The following JAZF1 variants were observed in gnomAD, a reference collection of about 807,000 sequenced individuals.
JAZF1 encodes the protein JAZF zinc finger 1.
Under a neutral mutation model 26.4 loss-of-function variants are expected in JAZF1, and 8 were observed. The ratio of observed to expected loss-of-function variants is 0.30; its 90% CI spans 0.18 to 0.55. The LOEUF (loss-of-function observed/expected upper bound fraction) is 0.55. Among genes scored for constraint, JAZF1 ranks in the 20% least tolerant of loss-of-function variants. JAZF1 has a pLI of 0.94. For synonymous variants in JAZF1, 126 were observed against 122.3 expected (o/e 1.03, Z -0.20); for missense variants, 199 against 322.0 (o/e 0.62, Z 2.92).
intron 1 of JAZF1, among the ~76,000 whole-genome samples, chr7:28,083,185 T>A (rs1244836122): frequency 6.6e-6 from 1 of 152,140 alleles, no homozygotes; most frequent in Non-Finnish European, 1.5e-5. Context: ...CCACATGCTC[T>A]CTTGGGGTTC....
intron 1 of JAZF1, among the ~76,000 whole-genome samples, chr7:28,149,305 G>T (rs1783072516): frequency 6.6e-6 from 1 of 152,222 alleles, no homozygotes; most frequent in East Asian, 1.9e-4. Context: ...ATGCCTATCA[G>T]ACTGGAAAAA....
rs1273232230 is a variant in JAZF1, at chr7:27,978,331, A to G, written c.188+13578T>C. Among the ~76,000 whole-genome samples, 2 of 152,240 alleles carry G rather than the reference A, an allele frequency of 1.3e-5. 1 individual carries two copies. On this transcript the variant is annotated intron_variant, in intron 2 of 4. Coordinates refer to ENST00000283928, the MANE Select transcript of JAZF1 (RefSeq NM_175061.4). The stretch of plus-strand genomic sequence containing the variant: ...TGTTCTACTTCTCAAAGAGAGGAGA[A>G]ATACATTGGAAATGTGGGAAAAACA...
chr7:27,838,022 T>TC (rs59102696), intron 4 of JAZF1, among the ~76,000 whole-genome samples: 1 of 151,754 alleles, frequency 6.6e-6, no homozygotes, highest in Non-Finnish European at 1.5e-5. Context: ...TTTTTTTTTT[T>TC]CTTTTTTCCT....
chr7:27,885,399 G>C (rs546850445), intron 3 of JAZF1, among the ~76,000 whole-genome samples: 169 of 152,254 alleles, frequency 1.1e-3, no homozygotes, highest in African/African-American at 3.9e-3. Flanking sequence ...TATAAAAATT[G>C]GTCAACTTGC....
At chr7:28,001,899 T>C (rs1406561085) in intron 1 of JAZF1, among the ~76,000 whole-genome samples, 1 of 152,186 alleles carries the variant, frequency 6.6e-6, no homozygotes, top group Admixed American at 6.5e-5. Context: ...GTTATAGATC[T>C]GAGTATTTCA....
chr7:28,014,998 C>T (rs1344572782), intron 1 of JAZF1, among the ~76,000 whole-genome samples: 1 of 151,620 alleles, frequency 6.6e-6, no homozygotes, highest in Non-Finnish European at 1.5e-5. Context: ...TCAGCTCCTG[C>T]CACTCCTCAG....
chr7:28,110,321 G>C, intron 1 of JAZF1, among the ~76,000 whole-genome samples: 1 of 151,716 alleles, frequency 6.6e-6, no homozygotes, highest in Non-Finnish European at 1.5e-5. Flanking sequence ...AGTTACTTGG[G>C]AGGCTGCGGG....
intron 2 of JAZF1, among the ~76,000 whole-genome samples, chr7:27,951,171 G>T (rs1212637923): frequency 6.6e-6 from 1 of 152,096 alleles, no homozygotes; most frequent in East Asian, 1.9e-4. Context: ...ATAAAAGGTT[G>T]TTATAATTAA....
chr7:27,947,478 G>A (rs1021144444), intron 2 of JAZF1, among the ~76,000 whole-genome samples: 5 of 152,234 alleles, frequency 3.3e-5, no homozygotes, highest in African/African-American at 4.8e-5. Context: ...TCTGTTTTTG[G>A]CATTTGTGGC....
At chr7:28,119,152 C>T (rs1784797536) in intron 1 of JAZF1, among the ~76,000 whole-genome samples, 1 of 152,158 alleles carries the variant, frequency 6.6e-6, no homozygotes, top group African/African-American at 2.4e-5. Context: ...CCCACTCCCA[C>T]CCTCAAGAAG....
intron 2 of JAZF1, among the ~76,000 whole-genome samples, chr7:27,901,036 T>G (rs1784154277): frequency 6.6e-6 from 1 of 151,794 alleles, no homozygotes; most frequent in South Asian, 2.1e-4. Flanking sequence ...TATTTTAGGG[T>G]TTTTCCTTCT....
At chr7:28,179,241 C>G (rs920083885) in intron 1 of JAZF1, among the ~76,000 whole-genome samples, 5 of 152,252 alleles carry the variant, frequency 3.3e-5, no homozygotes, top group African/African-American at 4.8e-5. Context: ...TCGCTGGCGT[C>G]GGTCACACCT....
chr7:28,093,826 G>A (rs1232446846), intron 1 of JAZF1, among the ~76,000 whole-genome samples: 4 of 152,166 alleles, frequency 2.6e-5, no homozygotes, highest in Non-Finnish European at 4.4e-5. Context: ...GCGCCCCCCT[G>A]TGGCAATGCC....
chr7:27,923,555 C>T (rs1784566713), intron 2 of JAZF1, among the ~76,000 whole-genome samples: 1 of 152,214 alleles, frequency 6.6e-6, no homozygotes, highest in South Asian at 2.1e-4. Flanking sequence ...GATGGAACTG[C>T]ACACTTCCCA....
chr7:28,006,899 A>T (rs1782711330), intron 1 of JAZF1, among the ~76,000 whole-genome samples: 1 of 151,272 alleles, frequency 6.6e-6, no homozygotes. Context: ...TCTTCCATAA[A>T]TGAACATGGA....
intron 1 of JAZF1, among the ~76,000 whole-genome samples, chr7:28,030,606 A>G (rs1257893227): frequency 4.6e-5 from 7 of 152,162 alleles, no homozygotes; most frequent in African/African-American, 7.2e-5. Flanking sequence ...TGCTTTATCT[A>G]TTTGTCAGAT....
intron 2 of JAZF1, among the ~76,000 whole-genome samples, chr7:27,905,322 G>A (rs1305215658): frequency 2.9e-5 from 3 of 103,936 alleles, no homozygotes; most frequent in Non-Finnish European, 6.4e-5. Context: ...ATAGTTCCCG[G>A]TCTTTGGAGA....
chr7:27,837,121 G>A (rs546744373), intron 4 of JAZF1, among the ~76,000 whole-genome samples: 1 of 152,294 alleles, frequency 6.6e-6, no homozygotes, highest in South Asian at 2.1e-4. Context: ...GACTCCAGAG[G>A]AACTTTGGGG....
intron 1 of JAZF1, among the ~76,000 whole-genome samples, chr7:28,090,594 T>C (rs1348840095): frequency 1.3e-5 from 2 of 152,154 alleles, no homozygotes; most frequent in Non-Finnish European, 2.9e-5. Context: ...CCTTTGAGCA[T>C]CACAATATCC....
Sources: gnomAD v4.1 joint callset for allele counts (sites outside exome capture counted in the v4.1 genomes callset) on GRCh38, gnomAD v4.1.1 for gene constraint, MANE v1.5 for transcripts, NCBI Gene and HGNC (gene_info 2026-07-23, HGNC 2026-07-21) for gene names.